The following INSL6 variants were observed in gnomAD, a reference collection of about 807,000 sequenced individuals.
INSL6 encodes the protein insulin-like peptide INSL6.
Under a neutral mutation model 9.4 loss-of-function variants are expected in INSL6, and 16 were observed. The observed-to-expected ratio is 1.70, with a 90% confidence interval of 1.15 to 2.59. INSL6 has a LOEUF of 2.59. INSL6 is among the 30% of genes most tolerant of loss of function. The probability of loss-of-function intolerance (pLI) is 0.00; values close to 1 mark genes in which losing one functional copy is unlikely to be tolerated. For synonymous variants in INSL6, 154 were observed against 96.9 expected, an observed-to-expected ratio of 1.59 and a Z score of -3.46; for missense variants, 391 against 257.3, an observed-to-expected ratio of 1.52 and a Z score of -3.56.
At chr9:5,154,490 A>T (rs2130897889) in intron 2 of INSL6, among the ~76,000 whole-genome samples, 1 of 152,306 alleles carries the variant, frequency 6.6e-6, no homozygotes, top group East Asian at 1.9e-4. Context: ...CATTAAACTA[A>T]AGAGCTTCTG....
chr9:5,018,983 C>T, the INSL6 span, among the ~76,000 whole-genome samples: 1 of 152,072 alleles, frequency 6.6e-6, no homozygotes, highest in Non-Finnish European at 1.5e-5. Context: ...GACAACAGTT[C>T]TCTCTTTGTC....
chr9:5,101,233 C>T, the INSL6 span, among the ~76,000 whole-genome samples: 4 of 152,234 alleles, frequency 2.6e-5, no homozygotes, highest in African/African-American at 9.6e-5. Flanking sequence ...GATTATATCC[C>T]ATGTCTGGCT....
the INSL6 span, among the ~76,000 whole-genome samples, chr9:5,028,096 G>C: frequency 3.9e-5 from 6 of 152,180 alleles, no homozygotes; most frequent in Non-Finnish European, 5.9e-5. Flanking sequence ...AGATCTGTGA[G>C]AGGAAACACT....
intron 2 of INSL6, among the ~76,000 whole-genome samples, chr9:5,144,471 T>C (rs1398123063): frequency 6.6e-6 from 1 of 152,144 alleles, no homozygotes; most frequent in Admixed American, 6.5e-5. Flanking sequence ...TGAATGTATA[T>C]TCTGTTGTTT....
intron 2 of INSL6, among the ~76,000 whole-genome samples, chr9:5,137,745 A>C (rs1196906061): frequency 6.6e-6 from 1 of 152,222 alleles, no homozygotes; most frequent in African/African-American, 2.4e-5. Flanking sequence ...TATGGGATCT[A>C]ATTAAACTAA....
chr9:5,173,131 G>C (rs1360319245), intron 1 of INSL6, among the ~76,000 whole-genome samples: 1 of 152,130 alleles, frequency 6.6e-6, no homozygotes, highest in Admixed American at 6.5e-5. Context: ...ATGCTTTTGA[G>C]GTTGCAGAGA....
chr9:5,024,264 AT>A, the INSL6 span, among the ~76,000 whole-genome samples: 2 of 151,302 alleles, frequency 1.3e-5, no homozygotes, highest in South Asian at 2.1e-4. Context: ...TCAAAAAAAA[AT>A]TTTTTTTTGG....
the INSL6 span, chr9:5,111,012 G>GGGCC: frequency 1.3e-6 from 1 of 752,916 alleles, no homozygotes; most frequent in Non-Finnish European, 2.2e-6. Flanking sequence ...CCAACGGGAA[G>GGGCC]GGCCGGCCCG....
chr9:5,178,958 T>C (rs1443698768), intron 1 of INSL6, among the ~76,000 whole-genome samples: 1 of 151,572 alleles, frequency 6.6e-6, no homozygotes, highest in Non-Finnish European at 1.5e-5. Context: ...CAGGCAAATA[T>C]TTCAAAACAA....
At chr9:5,118,458 G>C in the INSL6 span, among the ~76,000 whole-genome samples, 1 of 151,944 alleles carries the variant, frequency 6.6e-6, no homozygotes. Flanking sequence ...TTTTCTTCTG[G>C]GTTATCATTG....
the INSL6 span, among the ~76,000 whole-genome samples, chr9:5,020,719 A>G: frequency 1.6e-4 from 25 of 152,252 alleles, 1 homozygote; most frequent in South Asian, 5.0e-3. Context: ...ACATACCAAT[A>G]TATGGCAGCC....
chr9:5,049,270 A>G, the INSL6 span, among the ~76,000 whole-genome samples: 13 of 152,302 alleles, frequency 8.5e-5, no homozygotes, highest in African/African-American at 2.6e-4. Flanking sequence ...ACAGATCTCC[A>G]TAGTTTCTAG....
intron 2 of INSL6, among the ~76,000 whole-genome samples, chr9:5,135,729 A>C (rs1220270257): frequency 6.6e-6 from 1 of 152,196 alleles, no homozygotes; most frequent in Non-Finnish European, 1.5e-5. Flanking sequence ...AAACAAGAGC[A>C]AACAAATTTA....
chr9:5,182,646 G>A (rs891080442), intron 1 of INSL6, among the ~76,000 whole-genome samples: 6 of 151,376 alleles, frequency 4.0e-5, no homozygotes, highest in Non-Finnish European at 5.9e-5. Flanking sequence ...GAAACATAAA[G>A]AAACAAAAAA....
At chr9:5,119,765 T>G (rs1012852541), downstream of INSL6, among the ~76,000 whole-genome samples, 19 of 152,174 alleles carry the variant, frequency 1.2e-4, no homozygotes, top group Non-Finnish European at 2.5e-4. Flanking sequence ...TAACTTATTT[T>G]TCCTCATGAT....
the INSL6 span, among the ~76,000 whole-genome samples, chr9:5,113,213 T>C: frequency 6.8e-6 from 1 of 146,696 alleles, no homozygotes; most frequent in Non-Finnish European, 1.5e-5. Flanking sequence ...TTTTTTTTTT[T>C]TTTTTTCCAG....
chr9:5,097,961 G>A, the INSL6 span: 10 of 152,018 alleles, frequency 6.6e-5, no homozygotes, highest in African/African-American at 2.4e-4. Flanking sequence ...TGGCCTATCC[G>A]GTATGCCGCA....
the INSL6 span, chr9:5,080,826 C>T: frequency 2.0e-6 from 1 of 491,470 alleles, no homozygotes; most frequent in South Asian, 4.8e-5. Context: ...TATGGCTTTT[C>T]ATGCTTTATA....
At chr9:5,093,814 A>G in the INSL6 span, among the ~76,000 whole-genome samples, 64 of 152,314 alleles carry the variant, frequency 4.2e-4, no homozygotes, top group African/African-American at 1.4e-3. Context: ...CTAATGGTGT[A>G]GCCGCTATTA....
Sources: gnomAD v4.1 joint callset for allele counts (sites outside exome capture counted in the v4.1 genomes callset) on GRCh38, gnomAD v4.1.1 for gene constraint, MANE v1.5 for transcripts, NCBI Gene and HGNC (gene_info 2026-07-23, HGNC 2026-07-21) for gene names.